Variants in CTNNA2 observed in about 807,000 individuals in gnomAD.
CTNNA2 encodes catenin alpha 2.
CTNNA2 carries 42 observed loss-of-function variants against 101.0 expected under a neutral mutation model. The observed-to-expected ratio is 0.42, with a 90% CI of 0.32 to 0.54. The LOEUF is 0.54. CTNNA2 is among the 20% of genes least tolerant of loss of function. The pLI, the probability that CTNNA2 is intolerant of heterozygous loss-of-function variation, is 0.14. For synonymous variants in CTNNA2, 450 were observed against 456.4 expected, an observed-to-expected ratio of 0.99 and a Z score of 0.18; for missense variants, 871 against 1,223.1, an observed-to-expected ratio of 0.71 and a Z score of 4.29.
chr2:79,595,700 C>T lies in CTNNA2; in HGVS notation c.-5-55852C>T, dbSNP rs745424616. Among the ~76,000 whole-genome samples, 12 of 152,108 alleles carry T rather than the reference C, an allele frequency of 7.9e-5. 1 individual carries two copies. The highest frequency in any genetic ancestry group is 6.8e-3 in the Middle Eastern group (2 of 292). ...GCTACGCTACCTTAATTTAGACCTT[C>T]GTTTTCCTTTATATGAGCTATTACA... On this transcript the variant is annotated intron_variant, in intron 1 of 18. Coordinates refer to ENST00000402739, the MANE Select transcript of CTNNA2 (RefSeq NM_001282597.3).
intron 18 of CTNNA2, among the ~76,000 whole-genome samples, chr2:80,622,123 C>T (rs1163640667): frequency 2.0e-5 from 3 of 151,894 alleles, no homozygotes; most frequent in Non-Finnish European, 4.4e-5. Context: ...TTCTGAACCC[C>T]TTTCCCCTAA....
chr2:80,183,410 T>G (rs1185064632), intron 7 of CTNNA2, among the ~76,000 whole-genome samples: 1 of 152,202 alleles, frequency 6.6e-6, no homozygotes, highest in African/African-American at 2.4e-5. Flanking sequence ...ATAGTTGGTT[T>G]TGGCAGATGG....
chr2:79,591,912 T>A lies in CTNNA2; in HGVS notation c.-5-59640T>A, dbSNP rs1260972036. ...GTTGTTTCTTTTGAAAAAAAAATTTTTTTTTTTTTTTTTTGAAATTGACTG... is the reference window on the plus strand; with the variant it reads ...GTTGTTTCTTTTGAAAAAAAAATTTATTTTTTTTTTTTTTGAAATTGACTG... On this transcript the variant is annotated intron_variant, in intron 1 of 18. Transcript: ENST00000402739. Among the ~76,000 whole-genome samples the A allele has an allele frequency of 1.6e-3, 179 of 111,612 alleles. 1 individual carries two copies. The highest frequency in any genetic ancestry group is 5.0e-3 in the African/African-American group (104 of 20,950). 73.2% of individuals were successfully genotyped at this position (111,612 alleles called of 152,430 possible). A position where few individuals can be genotyped will look rare whatever the true frequency, so the allele number is the denominator to read the frequency against.
intron 3 of CTNNA2, among the ~76,000 whole-genome samples, chr2:79,351,120 G>T (rs1558640717): frequency 6.6e-6 from 1 of 152,062 alleles, no homozygotes; most frequent in South Asian, 2.1e-4. Flanking sequence ...CTGTGCAAAA[G>T]GTTTTTTAGT....
intron 4 of CTNNA2, among the ~76,000 whole-genome samples, chr2:79,381,742 G>C (rs757072727): frequency 1.3e-5 from 2 of 152,168 alleles, no homozygotes; most frequent in Non-Finnish European, 2.9e-5. Flanking sequence ...ATCATTCAAA[G>C]CTCTCTGAGG....
chr2:80,232,341 GTTTGTTT>G (rs1709279604), intron 7 of CTNNA2, among the ~76,000 whole-genome samples: 14 of 82,060 alleles, frequency 1.7e-4, no homozygotes, highest in African/African-American at 4.6e-4. Context: ...TTGTTTGTTT[GTTTGTTT>G]TTTTTTTTTT....
intron 7 of CTNNA2, among the ~76,000 whole-genome samples, chr2:79,916,069 T>C (rs1686180910): frequency 2.0e-5 from 3 of 152,234 alleles, no homozygotes; most frequent in African/African-American, 4.8e-5. Flanking sequence ...GAGTATTATC[T>C]GGATCTTCTC....
intron 2 of CTNNA2, among the ~76,000 whole-genome samples, chr2:79,226,072 A>G (rs1432637951): frequency 1.3e-5 from 2 of 152,102 alleles, no homozygotes; most frequent in Non-Finnish European, 2.9e-5. Flanking sequence ...TTTATTTTGG[A>G]CTTTGAAGCA....
At chr2:79,494,997 G>A (rs991935228) in intron 4 of CTNNA2, among the ~76,000 whole-genome samples, 2 of 152,080 alleles carry the variant, frequency 1.3e-5, no homozygotes, top group African/African-American at 2.4e-5. Context: ...CAGCTACTTA[G>A]GAGGCTGAGG....
At chr2:79,704,510 C>CTTTTTTTTTTT (rs780311540) in intron 2 of CTNNA2, among the ~76,000 whole-genome samples, 4 of 127,578 alleles carry the variant, frequency 3.1e-5, no homozygotes, top group Admixed American at 8.1e-5. Context: ...ACTTGTGCTT[C>CTTTTTTTTTTT]TTTTTTTTTT....
intron 1 of CTNNA2, among the ~76,000 whole-genome samples, chr2:79,189,295 C>T (rs534374557): frequency 2.0e-5 from 3 of 152,050 alleles, no homozygotes; most frequent in Non-Finnish European, 2.9e-5. Flanking sequence ...CTGAATCATT[C>T]GTTCTAGATG....
chr2:80,394,908 A>T (rs995600130), intron 8 of CTNNA2, among the ~76,000 whole-genome samples: 2 of 152,196 alleles, frequency 1.3e-5, no homozygotes, highest in African/African-American at 4.8e-5. Context: ...TAGATTGTCA[A>T]CCAGCTAAAA....
intron 7 of CTNNA2, among the ~76,000 whole-genome samples, chr2:80,181,751 A>G (rs1484815691): frequency 6.6e-6 from 1 of 152,242 alleles, no homozygotes; most frequent in South Asian, 2.1e-4. Flanking sequence ...GTATAGAGTC[A>G]CTGTATTCTT....
In CTNNA2 at chr2:79,270,887, C is replaced by T. The variant is rs1031058361; in HGVS notation, c.-405-41822C>T. Among the ~76,000 whole-genome samples, 7 of 151,994 alleles carry T rather than the reference C, an allele frequency of 4.6e-5. No individual in the cohort carries two copies. In the East Asian group the frequency reaches 1.4e-3, roughly 29 times the overall value. On this transcript the variant is annotated intron_variant, in intron 2 of 21. Coordinates refer to the CTNNA2 transcript ENST00000466387. ...TCCTGAGTCTTCCAGGTAGGTGCTG[C>T]TTCTCTTTTAGGCACATCTTTCTCT... is the stretch of plus-strand genomic sequence containing the variant.
intron 4 of CTNNA2, among the ~76,000 whole-genome samples, chr2:79,479,228 CACTAGACTTGAGCTATGAG>C (rs1484514045): frequency 6.6e-6 from 1 of 152,196 alleles, no homozygotes; most frequent in African/African-American, 2.4e-5. Context: ...TAATCCCTTT[CACTAGACTTGAGCTATGAG>C]ACAGGATGCC....
chr2:79,338,592 C>T lies in CTNNA2; in HGVS notation c.-318+25796C>T, dbSNP rs1214283397. On this transcript the variant is annotated intron_variant, in intron 3 of 21. Coordinates refer to the CTNNA2 transcript ENST00000466387. ...TCCTCCTCATCATCTTCTTCTTCTT[C>T]TTCTTCTTCTTCTTCTTCTTCTTCT... is the stretch of plus-strand genomic sequence containing the variant. 4.3e-5 allele frequency among the ~76,000 whole-genome samples: 6 copies of T among 141,098 alleles called. No individual in the cohort carries two copies. The East Asian group carries it at 8.1e-4, about 19-fold the overall frequency. 92.6% of individuals were successfully genotyped at this position (141,098 alleles called of 152,430 possible).
chr2:79,565,978 A>G (rs939704177), intron 1 of CTNNA2, among the ~76,000 whole-genome samples: 5 of 152,136 alleles, frequency 3.3e-5, no homozygotes, highest in Non-Finnish European at 5.9e-5. Flanking sequence ...AGCAGATGAA[A>G]CAGCCCGAAA....
In CTNNA2 at chr2:79,539,734, T is replaced by A. The variant is rs73938719; in HGVS notation, c.-6+26527T>A. 1.2e-3 allele frequency among the ~76,000 whole-genome samples: 185 copies of A among 152,294 alleles called. 1 individual carries two copies. Among genetic ancestry groups the A allele is most frequent in the African/African-American group, 4.1e-3 (171 of 41,564 alleles). ...AAGCCTGTCAGTGTTTGAAAGACTC[T>A]TGTGGACCAGAACTATCTGTCCTTC... On this transcript the variant is annotated intron_variant, in intron 1 of 18. Coordinates refer to ENST00000402739, the MANE Select transcript of CTNNA2 (RefSeq NM_001282597.3).
chr2:79,903,856 G>A (rs1195360485), intron 6 of CTNNA2, among the ~76,000 whole-genome samples: 1 of 152,132 alleles, frequency 6.6e-6, no homozygotes, highest in African/African-American at 2.4e-5. Context: ...GACTGGCGCT[G>A]CCTGGGGTCA....
Sources: gnomAD v4.1 joint callset for allele counts (sites outside exome capture counted in the v4.1 genomes callset) on GRCh38, gnomAD v4.1.1 for gene constraint, MANE v1.5 for transcripts, NCBI Gene and HGNC (gene_info 2026-07-23, HGNC 2026-07-21) for gene names.